Variants in GID4 observed in about 807,000 individuals in gnomAD.
The protein encoded by GID4 is glucose-induced degradation protein 4 homolog.
A neutral mutation model predicts 32.4 loss-of-function variants in GID4; 7 were observed. The observed-to-expected ratio is 0.22, with a 90% CI of 0.12 to 0.41. The LOEUF (loss-of-function observed/expected upper bound fraction) is 0.41. Ranked by LOEUF, GID4 falls within the 10% of genes least tolerant of loss-of-function variation. The pLI is 1.00. For missense variants in GID4, 309 were observed against 400.0 expected (o/e 0.77, Z 1.94); for synonymous variants, 166 against 170.0 (o/e 0.98, Z 0.18).
In GID4 at chr17:18,039,765, G is replaced by A. The variant is rs1357059384; in HGVS notation, c.301G>A (p.Ala101Thr). The change falls in exon 1 of 6, where the codon GCG becomes ACG. Residue 101 changes from alanine to threonine, a missense_variant. Ala to Thr is a moderately conservative substitution (Grantham distance 58, BLOSUM62 0). Around this residue, in one of 2 missense-constraint regions of GID4, gnomAD observed 193 missense variants for 185.8 expected, o/e 1.04. Transcript: ENST00000268719. The surrounding 1 kb of genome is among the most constrained non-coding windows in gnomAD (Gnocchi z 5.3). Reference protein sequence around the residue: ...PPPAGASAASAASLIPPPPIN... With the variant: ...PPPAGASAASTASLIPPPPIN... ...GCCGGCCGGTGCCTCCGCTGCCTCC[G>A]CGGCCTCACTCATCCCGCCGCCGCC... is the stretch of plus-strand genomic sequence containing the variant. 2 of 1,568,838 alleles carry A rather than the reference G, an allele frequency of 1.3e-6. No individual in the cohort carries two copies. Among genetic ancestry groups the A allele is most frequent in the African/African-American group, 1.4e-5 (1 of 71,646 alleles).
chr17:18,048,904 A>G (rs1042112296), intron 2 of GID4, among the ~76,000 whole-genome samples: 1 of 151,998 alleles, frequency 6.6e-6, no homozygotes, highest in Non-Finnish European at 1.5e-5. Flanking sequence ...TGGCCTCCCA[A>G]AGTGCTGGGA....
chr17:18,054,375 A>T, intron 3 of GID4, 141 bp downstream of exon 3: 1 of 536,644 alleles, frequency 1.9e-6, no homozygotes, highest in South Asian at 2.9e-5. Context: ...CACAGACCTC[A>T]GTTGTTCCAT....
chr17:18,060,700 G>A (rs958920089), intron 4 of GID4, among the ~76,000 whole-genome samples: 10 of 150,708 alleles, frequency 6.6e-5, no homozygotes, highest in African/African-American at 2.2e-4. Flanking sequence ...CTACAAGCGC[G>A]TACCACCACG....
In GID4 at chr17:18,055,170, C is replaced by CA. The variant is rs1229089550; in HGVS notation, c.606+955dup. ...TGAGCAACAGAGTGAGACTCCGTCT[C>CA]AAAAAAAAAAAAAAAAAAATCATTT... On this transcript the variant is annotated intron_variant, in intron 3 of 5. Coordinates refer to ENST00000268719, the MANE Select transcript of GID4 (RefSeq NM_024052.5). 7.2e-3 allele frequency among the ~76,000 whole-genome samples: 427 copies of CA among 59,392 alleles called. 1 individual carries two copies. The highest frequency in any genetic ancestry group is 0.02 in the East Asian group (38 of 1,938). The allele number at this position is 59,392 out of a possible 152,430, so 39.0% of individuals were successfully genotyped here. A position where few individuals can be genotyped will look rare whatever the true frequency, so the allele number is the denominator to read the frequency against.
intron 1 of GID4, among the ~76,000 whole-genome samples, chr17:18,041,520 T>C (rs141973330): frequency 6.6e-6 from 1 of 152,316 alleles, no homozygotes; most frequent in East Asian, 1.9e-4. Context: ...GTGGCTGAAA[T>C]ATTTTTGTCT....
Position 18,039,856 on chromosome 17 carries a change from A to G in GID4, c.392A>G (p.His131Arg). The G allele has an allele frequency of 3.2e-6, 5 of 1,546,152 alleles. No individual in the cohort carries two copies. The highest frequency in any genetic ancestry group is 1.8e-4 in the Middle Eastern group (1 of 5,646). ...TACAGCGGCTCCAAGTTCCGCGGCC[A>G]CCAGAAGAGCAAGGGGAACTCGTAC... is the stretch of plus-strand genomic sequence containing the variant. ...LLYSGSKFRG[H>R]QKSKGNSYDV... Residue 131 changes from histidine (H) to arginine (R), a missense_variant, in exon 1 of 6, where the codon CAC becomes CGC. Physicochemically the swap from His to Arg is conservative, Grantham distance 29 (BLOSUM62 0). Coordinates refer to ENST00000268719, the MANE Select transcript of GID4 (RefSeq NM_024052.5). The surrounding 1 kb of genome is among the most constrained non-coding windows in gnomAD (Gnocchi z 5.3).
chr17:18,051,420 T>C (rs892930133), intron 2 of GID4, among the ~76,000 whole-genome samples: 4 of 152,246 alleles, frequency 2.6e-5, no homozygotes, highest in Non-Finnish European at 4.4e-5. Flanking sequence ...GGCTGATGCC[T>C]GTAATCCCAG....
intron 3 of GID4, chr17:18,057,057 T>A (rs751946389): frequency 5.2e-6 from 8 of 1,535,478 alleles, no homozygotes; most frequent in Non-Finnish European, 7.0e-6. Context: ...ATCCTCAGAT[T>A]TTCCTGAGTG....
chr17:18,060,367 C>G (rs912552565), intron 4 of GID4, among the ~76,000 whole-genome samples: 2 of 133,252 alleles, frequency 1.5e-5, no homozygotes, highest in African/African-American at 5.7e-5. Context: ...TACTGCACTC[C>G]AGGCTGGGTG....
chr17:18,051,176 CTT>C (rs1479910583), intron 2 of GID4, among the ~76,000 whole-genome samples: 1 of 152,092 alleles, frequency 6.6e-6, no homozygotes, highest in Non-Finnish European at 1.5e-5. Flanking sequence ...CCACCCCTCC[CTT>C]TTTTAAAAAT....
chr17:18,048,283 C>T (rs1306363693), intron 2 of GID4, among the ~76,000 whole-genome samples: 2 of 151,870 alleles, frequency 1.3e-5, no homozygotes, highest in East Asian at 3.9e-4. Flanking sequence ...ACAACCTCTG[C>T]CTCCCAAGTT....
At position 18,068,113 on chromosome 17, in the gene GID4, A is replaced by AT. The variant is rs1294815946; in HGVS notation, c.*2877dup. ...ATATTCTCACTAAGGCCTTGAATTG[A>AT]TTTTTTTCTCATAAAATAGTCTGAT... On this transcript the variant is annotated 3_prime_UTR_variant, in exon 6 of 6. Coordinates refer to ENST00000268719, the MANE Select transcript of GID4 (RefSeq NM_024052.5). 1.3e-5 allele frequency: 2 copies of AT among 152,552 alleles called. No homozygotes were observed. The highest frequency in any genetic ancestry group is 6.5e-5 in the Admixed American group (1 of 15,268). The allele number at this position is 152,552 out of a possible 1,614,324, so 9.4% of individuals were successfully genotyped here. A position where few individuals can be genotyped will look rare whatever the true frequency, so the allele number is the denominator to read the frequency against.
At chr17:18,054,951 C>T (rs537851669) in intron 3 of GID4, among the ~76,000 whole-genome samples, 4 of 152,244 alleles carry the variant, frequency 2.6e-5, no homozygotes, top group East Asian at 1.9e-4. Flanking sequence ...GCGGGCGGAT[C>T]ACCAGGTCAG....
chr17:18,065,090 G>A, intron 5 of GID4, 90 bp from the exon 6 acceptor site: 1 of 885,392 alleles, frequency 1.1e-6, no homozygotes, highest in African/African-American at 1.6e-5. Flanking sequence ...GTGACTTGTT[G>A]GGTGCTCTGC....
At chr17:18,050,587 C>T (rs929589742) in intron 2 of GID4, among the ~76,000 whole-genome samples, 1 of 152,216 alleles carries the variant, frequency 6.6e-6, no homozygotes, top group Admixed American at 6.5e-5. Context: ...AGACAGGTCA[C>T]ACCTACCAAA....
intron 2 of GID4, among the ~76,000 whole-genome samples, chr17:18,045,890 T>TC (rs2044848371): frequency 7.7e-6 from 1 of 130,348 alleles, no homozygotes; most frequent in Non-Finnish European, 1.6e-5. Flanking sequence ...AGACCCTGTC[T>TC]CAAAAAAAAA....
At position 18,039,888 on chromosome 17, in the gene GID4, G is replaced by A; in HGVS notation, c.424G>A (p.Glu142Lys). ...GAGCAAGGGGAACTCGTACGACGTAGAGGTGGTGCTGCAGGTGAGCGCCGG... is the reference window on the plus strand; with the variant it reads ...GAGCAAGGGGAACTCGTACGACGTAAAGGTGGTGCTGCAGGTGAGCGCCGG... The part of the protein sequence containing the change: ...QKSKGNSYDV[E>K]VVLQHVDTGN... The change falls in exon 1 of 6, where the codon GAG (glutamate) becomes AAG (lysine). Residue 142 changes from glutamate (E) to lysine (K), a missense_variant. Transcript: ENST00000268719. This position sits in a 1 kb window ranked among gnomAD's most constrained non-coding sequence, Gnocchi z 5.3. The A allele has an allele frequency of 6.8e-7, 1 of 1,463,972 alleles. No homozygotes were observed. Among genetic ancestry groups the A allele is most frequent in the Non-Finnish European group, 9.1e-7 (1 of 1,096,298 alleles). The allele number at this position is 1,463,972 out of a possible 1,614,324, so 90.7% of individuals were successfully genotyped here. A position where few individuals can be genotyped will look rare whatever the true frequency, so the allele number is the denominator to read the frequency against.
intron 3 of GID4, among the ~76,000 whole-genome samples, chr17:18,057,865 G>A (rs866669375): frequency 2.0e-5 from 3 of 150,844 alleles, no homozygotes; most frequent in East Asian, 1.9e-4. Context: ...ACAGAGTCTC[G>A]CTCTGTTGCC....
chr17:18,039,671 T>C lies in GID4; in HGVS notation c.207T>C (p.Val69=). ...TLLGSRAAAA[V]PLPLPPALAP... ...TCGGCTCCCGCGCGGCGGCGGCGGTTCCTCTCCCACTCCCCCCAGCCCTGG... is the reference window on the plus strand; with the variant it reads ...TCGGCTCCCGCGCGGCGGCGGCGGTCCCTCTCCCACTCCCCCCAGCCCTGG... The change falls in exon 1 of 6, where the codon GTT becomes GTC. Residue 69 remains valine, a synonymous_variant. Coordinates refer to ENST00000268719, the MANE Select transcript of GID4 (RefSeq NM_024052.5). The surrounding 1 kb of genome is among the most constrained non-coding windows in gnomAD (Gnocchi z 5.3). The C allele has an allele frequency of 7.5e-7, 1 of 1,334,190 alleles. No individual in the cohort carries two copies. Among genetic ancestry groups the C allele is most frequent in the South Asian group, 1.7e-5 (1 of 59,512 alleles). The allele number at this position is 1,334,190 out of a possible 1,614,324, so 82.6% of individuals were successfully genotyped here.
Sources: gnomAD v4.1 joint callset for allele counts (sites outside exome capture counted in the v4.1 genomes callset) on GRCh38, gnomAD v4.1.1 for gene constraint, gnomAD v4.1.1 regional missense constraint, Gnocchi (gnomAD v3.1) non-coding constraint, MANE v1.5 for transcripts, NCBI Gene and HGNC (gene_info 2026-07-23, HGNC 2026-07-21) for gene names.